The following PLPPR5 variants were observed in gnomAD, a reference collection of about 807,000 sequenced individuals.
PLPPR5 encodes the protein phospholipid phosphatase related 5, also known as phospholipid phosphatase-related protein type 5.
In PLPPR5, 16 loss-of-function variants were observed where a neutral mutation model predicts 33.9. The ratio of observed to expected loss-of-function variants is 0.47; its 90% CI spans 0.32 to 0.72. The LOEUF is 0.72. Ranked by LOEUF, PLPPR5 falls within the 30% of genes least tolerant of loss-of-function variation. The probability of loss-of-function intolerance (pLI) is 0.03; values close to 1 mark genes in which losing one functional copy is unlikely to be tolerated. For synonymous variants in PLPPR5, 163 were observed against 150.3 expected (o/e 1.08, Z -0.62); for missense variants, 301 against 406.7 (o/e 0.74, Z 2.23).
At chr1:98,934,663 G>A (rs1001724203) in intron 3 of PLPPR5, among the ~76,000 whole-genome samples, 5 of 152,148 alleles carry the variant, frequency 3.3e-5, no homozygotes, top group Non-Finnish European at 7.3e-5. Flanking sequence ...ATGTTGAAGA[G>A]CACAAATCAC....
chr1:98,979,448 G>A lies in PLPPR5; in HGVS notation c.238-22707C>T, dbSNP rs990104144. ...TCTAAGTGATAGAGCCTATACAAAC[G>A]TAAGGGGCTATGTTGTTGCTATTAT... On this transcript the variant is annotated intron_variant, in intron 1 of 5. Transcript: ENST00000263177. Among the ~76,000 whole-genome samples, 7 of 152,132 alleles carry A rather than the reference G, an allele frequency of 4.6e-5. No individual in the cohort carries two copies. In the East Asian group the frequency reaches 7.8e-4, roughly 17 times the overall value.
intron 4 of PLPPR5, among the ~76,000 whole-genome samples, chr1:98,915,996 G>C (rs775351659): frequency 1.3e-5 from 2 of 152,088 alleles, no homozygotes; most frequent in Non-Finnish European, 2.9e-5. Context: ...CTCATTTGCA[G>C]CTATAACCTA....
chr1:98,934,699 T>C (rs1650112800), intron 3 of PLPPR5, among the ~76,000 whole-genome samples: 2 of 152,134 alleles, frequency 1.3e-5, no homozygotes, highest in Non-Finnish European at 2.9e-5. Context: ...GAAATAGAAG[T>C]CACGTTGATC....
At chr1:98,910,377 G>A (rs1176837173) in intron 5 of PLPPR5, among the ~76,000 whole-genome samples, 3 of 152,134 alleles carry the variant, frequency 2.0e-5, no homozygotes, top group African/African-American at 7.2e-5. Context: ...TGAGTACTCA[G>A]TGATGTTGAC....
intron 3 of PLPPR5, among the ~76,000 whole-genome samples, chr1:98,934,108 G>C (rs1650091699): frequency 6.6e-6 from 1 of 152,164 alleles, no homozygotes. Flanking sequence ...AGGCAGAGAA[G>C]TTTAGCTATG....
chr1:98,971,787 G>C (rs1651671346), intron 1 of PLPPR5, among the ~76,000 whole-genome samples: 1 of 152,054 alleles, frequency 6.6e-6, no homozygotes, highest in South Asian at 2.1e-4. Flanking sequence ...TTTAGAAGCA[G>C]ACTCTCTCTG....
intron 1 of PLPPR5, among the ~76,000 whole-genome samples, chr1:98,998,934 C>T (rs1281824687): frequency 6.6e-6 from 1 of 152,192 alleles, no homozygotes; most frequent in Non-Finnish European, 1.5e-5. Flanking sequence ...GCACCTAACA[C>T]AGTGGCTGGT....
At chr1:98,910,148 A>G (rs1208304529) in intron 5 of PLPPR5, among the ~76,000 whole-genome samples, 1 of 152,224 alleles carries the variant, frequency 6.6e-6, no homozygotes, top group Non-Finnish European at 1.5e-5. Context: ...CCTTCTCCAT[A>G]CAAAAGTGAC....
intron 1 of PLPPR5, among the ~76,000 whole-genome samples, chr1:98,967,169 A>G (rs1456835205): frequency 3.3e-5 from 5 of 152,190 alleles, no homozygotes; most frequent in African/African-American, 1.2e-4. Context: ...AAAGGATGGG[A>G]CTATAGAAAG....
chr1:98,972,117 A>G (rs1362434615), intron 1 of PLPPR5, among the ~76,000 whole-genome samples: 4 of 152,090 alleles, frequency 2.6e-5, no homozygotes, highest in African/African-American at 9.7e-5. Flanking sequence ...AGGGTGTGAG[A>G]GGCAGGGATC....
At chr1:98,961,426 T>C (rs1266779144) in intron 1 of PLPPR5, among the ~76,000 whole-genome samples, 1 of 152,182 alleles carries the variant, frequency 6.6e-6, no homozygotes, top group Non-Finnish European at 1.5e-5. Flanking sequence ...TGAGTTTGCC[T>C]TGAAGGCAGA....
chr1:98,958,649 T>C (rs528784662), intron 1 of PLPPR5, among the ~76,000 whole-genome samples: 1 of 152,310 alleles, frequency 6.6e-6, no homozygotes, highest in African/African-American at 2.4e-5. Flanking sequence ...ATCTGGAGAA[T>C]CTGATAAGTA....
intron 5 of PLPPR5, among the ~76,000 whole-genome samples, chr1:98,897,235 GCGCTCCAGCGCACATACGTTTA>G (rs1398876754): frequency 6.6e-6 from 1 of 152,178 alleles, no homozygotes; most frequent in Admixed American, 6.5e-5. Context: ...CAACACCAGT[GCGCTCCAGCGCACATACGTTTA>G]TTGCCTTAAT....
At chr1:98,918,830 T>TA (rs1172502986) in intron 4 of PLPPR5, among the ~76,000 whole-genome samples, 1 of 152,190 alleles carries the variant, frequency 6.6e-6, no homozygotes, top group Non-Finnish European at 1.5e-5. Flanking sequence ...GGGAAGTAAA[T>TA]AAAAAATTCT....
Position 98,953,229 on chromosome 1 carries a change from C to A in PLPPR5, c.462G>T (p.Leu154=). ...CAAGTGCTGTATAATTGGGCTTACA[C>A]AGGGCAAGGAAATGTGGGGCCAGAT... The part of the protein sequence containing the change: ...TGNLAPHFLA[L]CKPNYTALGC... The change falls in exon 3 of 6, where the codon CTG becomes CTT. Residue 154 remains leucine, a synonymous_variant. Coordinates refer to ENST00000263177, the MANE Select transcript of PLPPR5 (RefSeq NM_001037317.2). 6.2e-7 allele frequency: 1 copy of A among 1,614,080 alleles called. No individual in the cohort carries two copies. Among genetic ancestry groups the A allele is most frequent in the Non-Finnish European group, 8.5e-7 (1 of 1,179,998 alleles).
At chr1:98,906,762 C>A (rs1648916043) in intron 5 of PLPPR5, among the ~76,000 whole-genome samples, 1 of 152,078 alleles carries the variant, frequency 6.6e-6, no homozygotes. Flanking sequence ...ATATATATTT[C>A]AATAGTTGTT....
chr1:98,906,683 C>T (rs906635770), intron 5 of PLPPR5, among the ~76,000 whole-genome samples: 3 of 152,118 alleles, frequency 2.0e-5, no homozygotes, highest in Admixed American at 6.6e-5. Flanking sequence ...CTACCTATCA[C>T]GGAATTTATA....
chr1:98,898,679 T>A (rs1648573527), intron 5 of PLPPR5, among the ~76,000 whole-genome samples: 1 of 152,114 alleles, frequency 6.6e-6, no homozygotes, highest in East Asian at 1.9e-4. Context: ...TTTCTTGTTG[T>A]TTTAAGAAGT....
chr1:98,990,009 A>T (rs1652395472), intron 1 of PLPPR5, among the ~76,000 whole-genome samples: 1 of 152,178 alleles, frequency 6.6e-6, no homozygotes, highest in South Asian at 2.1e-4. Context: ...AAGAAAGATG[A>T]TCTTAAGTCA....
Sources: gnomAD v4.1 joint callset for allele counts (sites outside exome capture counted in the v4.1 genomes callset) on GRCh38, gnomAD v4.1.1 for gene constraint, MANE v1.5 for transcripts, NCBI Gene and HGNC (gene_info 2026-07-23, HGNC 2026-07-21) for gene names.